The following EIPR1 variants were observed in gnomAD, a reference collection of about 807,000 sequenced individuals.
EIPR1 encodes the protein EARP complex and GARP complex interacting protein 1.
In EIPR1, 25 loss-of-function variants were observed where a neutral mutation model predicts 48.1. The observed-to-expected ratio is 0.52, with a 90% CI of 0.38 to 0.73. EIPR1 has a LOEUF of 0.73. Among genes scored for constraint, EIPR1 ranks in the 30% least tolerant of loss-of-function variants. EIPR1 has a pLI of 0.00. For synonymous variants in EIPR1, 204 were observed against 201.9 expected (o/e 1.01, Z -0.09); for missense variants, 415 against 506.2 (o/e 0.82, Z 1.73).
intron 2 of EIPR1, among the ~76,000 whole-genome samples, chr2:3,348,337 GT>G (rs1670466411): frequency 6.6e-6 from 1 of 152,150 alleles, no homozygotes; most frequent in Non-Finnish European, 1.5e-5. Context: ...ACTCCCAGAG[GT>G]CTCCAGAGGA....
At chr2:3,307,977 A>G (rs12614481) in intron 3 of EIPR1, among the ~76,000 whole-genome samples, 18,059 of 152,146 alleles carry the variant, frequency 0.12, 2,928 homozygotes, top group East Asian at 0.59. Context: ...TGCTATATCA[A>G]TTAAAAAAAG....
intron 3 of EIPR1, among the ~76,000 whole-genome samples, chr2:3,337,012 GA>G (rs1188404503): frequency 7.5e-6 from 1 of 133,540 alleles, no homozygotes; most frequent in Non-Finnish European, 1.6e-5. Context: ...AAAGGGAAGG[GA>G]AAAGGGAAAA....
chr2:3,193,952 C>T (rs764541755), intron 7 of EIPR1, 47 bp downstream of exon 7: 1 of 1,597,810 alleles, frequency 6.3e-7, no homozygotes, highest in African/African-American at 1.3e-5. Context: ...TTAGCAAAAT[C>T]AATTGCGTAA....
intron 5 of EIPR1, among the ~76,000 whole-genome samples, chr2:3,206,959 G>T (rs930005002): frequency 2.6e-4 from 39 of 152,122 alleles, no homozygotes; most frequent in Non-Finnish European, 2.5e-4. Context: ...ATGATCATTC[G>T]CTGGCTTTGG....
At chr2:3,200,207 G>A (rs368271646) in intron 5 of EIPR1, among the ~76,000 whole-genome samples, 243 of 152,198 alleles carry the variant, frequency 1.6e-3, no homozygotes, top group African/African-American at 5.6e-3. Flanking sequence ...AGCCCCAAGC[G>A]GATGGCTGCC....
chr2:3,197,236 A>T (rs973281126), intron 5 of EIPR1, among the ~76,000 whole-genome samples: 3 of 152,260 alleles, frequency 2.0e-5, no homozygotes, highest in African/African-American at 7.2e-5. Flanking sequence ...AATAGAAAGC[A>T]TATTAATAGG....
intron 4 of EIPR1, among the ~76,000 whole-genome samples, chr2:3,226,666 A>C (rs1374674621): frequency 1.3e-5 from 2 of 152,146 alleles, no homozygotes; most frequent in African/African-American, 4.8e-5. Flanking sequence ...TTTGTGTCTT[A>C]TCCAAAAGAT....
chr2:3,317,909 G>T (rs758239563), intron 3 of EIPR1, among the ~76,000 whole-genome samples: 1 of 152,204 alleles, frequency 6.6e-6, no homozygotes, highest in East Asian at 1.9e-4. Context: ...CTCCAGACCC[G>T]GGAGGAAATT....
At chr2:3,213,314 A>G (rs1665521153) in intron 5 of EIPR1, among the ~76,000 whole-genome samples, 2 of 152,180 alleles carry the variant, frequency 1.3e-5, no homozygotes, top group South Asian at 4.1e-4. Context: ...GCATGTAAAA[A>G]CCACATTTTA....
intron 3 of EIPR1, among the ~76,000 whole-genome samples, chr2:3,299,622 TCTCACACA>T (rs1392418903): frequency 6.4e-5 from 9 of 141,146 alleles, no homozygotes; most frequent in Admixed American, 2.1e-4. Flanking sequence ...TCTCTCTCTC[TCTCACACA>T]CACACACACA....
chr2:3,349,461 T>C (rs997177646), intron 2 of EIPR1, among the ~76,000 whole-genome samples: 1 of 152,118 alleles, frequency 6.6e-6, no homozygotes, highest in African/African-American at 2.4e-5. Flanking sequence ...CCAGGGAGGC[T>C]CCAAACAGAC....
In EIPR1 at chr2:3,377,786, T is replaced by A; in HGVS notation, c.-97A>T. The stretch of plus-strand genomic sequence containing the variant: ...TCGCGGGCGTGTTCCCAGCGCCCAT[T>A]CATTCCCTCCCCGCAGCAAACGACT... On this transcript the variant is annotated 5_prime_UTR_variant, in exon 1 of 9. Transcript: ENST00000382125. 2.4e-5 allele frequency: 34 copies of A among 1,394,602 alleles called. No individual in the cohort carries two copies. Among genetic ancestry groups the A allele is most frequent in the Non-Finnish European group, 3.1e-5 (31 of 1,013,796 alleles). The allele number at this position is 1,394,602 out of a possible 1,614,324, so 86.4% of individuals were successfully genotyped here.
At chr2:3,360,256 T>G (rs1670820142) in intron 1 of EIPR1, among the ~76,000 whole-genome samples, 1 of 151,918 alleles carries the variant, frequency 6.6e-6, no homozygotes, top group South Asian at 2.1e-4. Flanking sequence ...ACACAAAACT[T>G]AGCTGGGCGT....
rs552006140 is a variant in EIPR1, at chr2:3,323,550, T to C, written c.259+14467A>G. Among the ~76,000 whole-genome samples, 121 of 152,342 alleles carry C rather than the reference T, an allele frequency of 7.9e-4. 1 individual carries two copies. The highest frequency in any genetic ancestry group is 2.5e-3 in the African/African-American group (105 of 41,576). ...TCGGGGCACAGGTCCACGATGGACA[T>C]GGGCCCTCAGCCAACGTTCGCCGTG... On this transcript the variant is annotated intron_variant, in intron 3 of 8. Transcript: ENST00000382125.
chr2:3,346,106 C>G (rs1355882765), intron 2 of EIPR1, among the ~76,000 whole-genome samples: 1 of 152,280 alleles, frequency 6.6e-6, no homozygotes, highest in Non-Finnish European at 1.5e-5. Flanking sequence ...ACCCCCTACA[C>G]CCCACAAACC....
intron 3 of EIPR1, among the ~76,000 whole-genome samples, chr2:3,274,994 AC>A (rs373165585): frequency 9.2e-5 from 14 of 152,042 alleles, no homozygotes; most frequent in African/African-American, 2.7e-4. Flanking sequence ...AAGGACCAAA[AC>A]CCCCCAAAAC....
At chr2:3,360,800 G>A (rs1670834224) in intron 1 of EIPR1, among the ~76,000 whole-genome samples, 1 of 152,132 alleles carries the variant, frequency 6.6e-6, no homozygotes, top group African/African-American at 2.4e-5. Flanking sequence ...GCAGACACAG[G>A]CCAGGAGCAG....
chr2:3,329,617 C>T (rs1484344477), intron 3 of EIPR1, among the ~76,000 whole-genome samples: 4 of 151,024 alleles, frequency 2.6e-5, no homozygotes, highest in Non-Finnish European at 5.9e-5. Flanking sequence ...CACAGATCTA[C>T]CCACCATGCT....
At chr2:3,289,964 A>G (rs937445556) in intron 3 of EIPR1, among the ~76,000 whole-genome samples, 1 of 152,262 alleles carries the variant, frequency 6.6e-6, no homozygotes, top group Non-Finnish European at 1.5e-5. Context: ...GGTCGCTCAC[A>G]GAACCACACA....
Sources: gnomAD v4.1 joint callset for allele counts (sites outside exome capture counted in the v4.1 genomes callset) on GRCh38, gnomAD v4.1.1 for gene constraint, MANE v1.5 for transcripts, NCBI Gene and HGNC (gene_info 2026-07-23, HGNC 2026-07-21) for gene names.